TCF7: variants seen among roughly 807,000 people sequenced by gnomAD.
The protein encoded by TCF7 is transcription factor 7.
TCF7 carries 19 observed loss-of-function variants against 46.8 expected under a neutral mutation model. That is an observed-to-expected ratio of 0.41 (90% CI 0.28 to 0.60). The LOEUF is 0.60. Among genes scored for constraint, TCF7 ranks in the 20% least tolerant of loss-of-function variants. The probability of loss-of-function intolerance (pLI) is 0.35; values close to 1 mark genes in which losing one functional copy is unlikely to be tolerated. For missense variants in TCF7, 547 were observed against 504.6 expected, an observed-to-expected ratio of 1.08 and a Z score of -0.81; for synonymous variants, 245 against 213.4, an observed-to-expected ratio of 1.15 and a Z score of -1.29.
At chr5:134,141,223 C>T in intron 5 of TCF7, 1 of 159,354 alleles carries the variant, frequency 6.3e-6, no homozygotes, top group Non-Finnish European at 1.4e-5. Context: ...TGAGCTTTGC[C>T]CAAGCTGAGA....
At chr5:134,120,346 C>A (rs1756396479) in intron 3 of TCF7, among the ~76,000 whole-genome samples, 1 of 151,354 alleles carries the variant, frequency 6.6e-6, no homozygotes, top group South Asian at 2.1e-4. Flanking sequence ...CCACAGGGGG[C>A]CTTTAAAAAC....
At chr5:134,122,372 TC>T (rs35475765) in intron 3 of TCF7, among the ~76,000 whole-genome samples, 24,817 of 151,718 alleles carry the variant, frequency 0.16, 3,470 homozygotes, top group African/African-American at 0.38. Flanking sequence ...CTGGGATCCT[TC>T]CCCCCAGGCT....
chr5:134,115,064 C>T lies in TCF7; in HGVS notation c.158C>T (p.Ser53Leu). Reference sequence around the variant, plus strand: ...GAGCGCGACCTGGCCGAGCTCAAGTCGTCGCTCGTGAACGAGTCCGAGGGC... The same window carrying T: ...GAGCGCGACCTGGCCGAGCTCAAGTTGTCGCTCGTGAACGAGTCCGAGGGC... ...GPERDLAELK[S>L]SLVNESEGAA... The change falls in exon 1 of 10, where the codon TCG becomes TTG. Residue 53 changes from serine to leucine, a missense_variant. Physicochemically the swap from Ser to Leu is moderately radical, Grantham distance 145 (BLOSUM62 -2). This residue lies in a region of TCF7 where 425 missense variants were observed against 349.9 expected (regional missense o/e 1.21). Coordinates refer to ENST00000342854, the MANE Select transcript of TCF7 (RefSeq NM_003202.5). 5.0e-6 allele frequency: 6 copies of T among 1,201,468 alleles called. No homozygotes were observed. The highest frequency in any genetic ancestry group is 5.3e-6 in the Non-Finnish European group (5 of 944,172). 74.4% of individuals were successfully genotyped at this position (1,201,468 alleles called of 1,614,324 possible).
chr5:134,143,604 A>C lies in TCF7; in HGVS notation c.1039A>C (p.Arg347=). The C allele has an allele frequency of 1.2e-6, 2 of 1,614,092 alleles. No individual in the cohort carries two copies. The highest frequency in any genetic ancestry group is 1.7e-6 in the Non-Finnish European group (2 of 1,180,010). ...TTGTTCCCTGCAGGGGAAGAAGAAG[A>C]GGCGGTCGAGGGAAAAGCACCAAGA... ...SARDNYGKKK[R]RSREKHQEST... Residue 347 remains arginine, a synonymous_variant, in exon 9 of 10, where the codon AGG becomes CGG. Coordinates refer to ENST00000342854, the MANE Select transcript of TCF7 (RefSeq NM_003202.5).
At chr5:134,136,557 G>A (rs1438633681) in intron 3 of TCF7, among the ~76,000 whole-genome samples, 1 of 152,118 alleles carries the variant, frequency 6.6e-6, no homozygotes, top group Non-Finnish European at 1.5e-5. Flanking sequence ...GCTGGCAGGT[G>A]TGGGAGCCTG....
chr5:134,146,650 G>A lies in TCF7; in HGVS notation c.*347G>A. 2 of 656,694 alleles carry A rather than the reference G, an allele frequency of 3.0e-6. No homozygotes were observed. The highest frequency in any genetic ancestry group is 5.4e-6 in the Non-Finnish European group (2 of 367,348). 40.7% of individuals were successfully genotyped at this position (656,694 alleles called of 1,614,324 possible). A position where few individuals can be genotyped will look rare whatever the true frequency, so the allele number is the denominator to read the frequency against. On this transcript the variant is annotated 3_prime_UTR_variant, in exon 10 of 10. Transcript: ENST00000342854. ...GGTCCAGACCCTGAAGATTTCAGAG[G>A]CTGCAGGACTTCTGCCTGAACCTGG...
chr5:134,138,881 G>C (rs1759298824), intron 4 of TCF7, 70 bp from the exon 5 acceptor site: 2 of 1,596,630 alleles, frequency 1.3e-6, no homozygotes, highest in Non-Finnish European at 1.7e-6. Flanking sequence ...GGAGGTTCTA[G>C]GATGCAGTAA....
upstream of TCF7, among the ~76,000 whole-genome samples, chr5:134,113,093 C>T (rs1401628187): frequency 6.6e-6 from 1 of 152,210 alleles, no homozygotes; most frequent in African/African-American, 2.4e-5. Flanking sequence ...CGTCCCTGTA[C>T]CTCTCCCCTC....
chr5:134,142,430 C>A, intron 6 of TCF7, 126 bp downstream of exon 6: 1 of 916,876 alleles, frequency 1.1e-6, no homozygotes, highest in South Asian at 2.3e-5. Flanking sequence ...TGTTTTTGAT[C>A]CTCAGAAGTA....
chr5:134,144,776 C>G (rs765335299), intron 9 of TCF7: 2 of 1,611,488 alleles, frequency 1.2e-6, no homozygotes, highest in Admixed American at 3.3e-5. Flanking sequence ...TGCTCTACCC[C>G]TCTGGCATGG....
rs1361478100 is a variant in TCF7, at chr5:134,114,746, T to G, written c.-161T>G. 4 of 694,578 alleles carry G rather than the reference T, an allele frequency of 5.8e-6. No individual in the cohort carries two copies. Among genetic ancestry groups the G allele is most frequent in the African/African-American group, 2.1e-5 (1 of 48,022 alleles). The allele number at this position is 694,578 out of a possible 1,614,324, so 43.0% of individuals were successfully genotyped here. A position where few individuals can be genotyped will look rare whatever the true frequency, so the allele number is the denominator to read the frequency against. On this transcript the variant is annotated 5_prime_UTR_variant, in exon 1 of 10. Coordinates refer to ENST00000342854, the MANE Select transcript of TCF7 (RefSeq NM_003202.5). ...CGCGGAGCCGCTCTGCCCCGCGCCC[T>G]AGCCCGCGCCTGCAGCCCGCCCAGG...
At chr5:134,112,390 T>C (rs550103948), upstream of TCF7, among the ~76,000 whole-genome samples, 5 of 152,266 alleles carry the variant, frequency 3.3e-5, no homozygotes, top group South Asian at 1.0e-3. Context: ...AGGTACACAG[T>C]AGATGATCCC....
intron 3 of TCF7, among the ~76,000 whole-genome samples, chr5:134,134,306 A>G (rs997044818): frequency 2.5e-4 from 38 of 152,368 alleles, no homozygotes; most frequent in African/African-American, 8.7e-4. Flanking sequence ...GTCCATCCCA[A>G]GGGTCAAAGA....
At chr5:134,123,002 T>C (rs1219379160) in intron 3 of TCF7, among the ~76,000 whole-genome samples, 6 of 152,230 alleles carry the variant, frequency 3.9e-5, no homozygotes, top group African/African-American at 1.4e-4. Context: ...GTGAGTTACT[T>C]AGCCCTCTGG....
At chr5:134,136,959 T>G (rs993821951) in intron 3 of TCF7, among the ~76,000 whole-genome samples, 2 of 152,188 alleles carry the variant, frequency 1.3e-5, no homozygotes, top group Non-Finnish European at 1.5e-5. Context: ...AAGTTGAACC[T>G]TGGTTGCAGA....
intron 3 of TCF7, among the ~76,000 whole-genome samples, chr5:134,135,976 T>C (rs1016084815): frequency 6.6e-6 from 1 of 152,110 alleles, no homozygotes; most frequent in African/African-American, 2.4e-5. Flanking sequence ...AGACTGAGAA[T>C]TGACCATTGA....
chr5:134,111,194 A>G (rs1417878271), upstream of TCF7, among the ~76,000 whole-genome samples: 2 of 152,160 alleles, frequency 1.3e-5, no homozygotes, highest in African/African-American at 4.8e-5. Flanking sequence ...GCAGAGATGG[A>G]AACTTAAGAC....
chr5:134,134,931 A>G (rs921610003), intron 3 of TCF7, among the ~76,000 whole-genome samples: 16 of 152,180 alleles, frequency 1.1e-4, no homozygotes, highest in African/African-American at 3.9e-4. Context: ...CTGGGGTTAC[A>G]GAGGGAGCAG....
At chr5:134,128,544 C>T (rs1170209538) in intron 3 of TCF7, among the ~76,000 whole-genome samples, 14 of 151,704 alleles carry the variant, frequency 9.2e-5, no homozygotes. Context: ...CAGGACTGTC[C>T]TCCTAGGGCT....
Sources: gnomAD v4.1 joint callset for allele counts (sites outside exome capture counted in the v4.1 genomes callset) on GRCh38, gnomAD v4.1.1 for gene constraint, gnomAD v4.1.1 regional missense constraint, MANE v1.5 for transcripts, NCBI Gene and HGNC (gene_info 2026-07-23, HGNC 2026-07-21) for gene names.